The following KCNK13 variants were observed in gnomAD, a reference collection of about 807,000 sequenced individuals.
KCNK13 encodes the protein potassium two pore domain channel subfamily K member 13.
Under a neutral mutation model 23.4 loss-of-function variants are expected in KCNK13, and 12 were observed. That is an observed-to-expected ratio of 0.51 (90% confidence interval 0.33 to 0.83). The LOEUF (loss-of-function observed/expected upper bound fraction) is 0.83. KCNK13 is among the 40% of genes least tolerant of loss of function. The pLI, the probability that KCNK13 is intolerant of heterozygous loss-of-function variation, is 0.02. For synonymous variants in KCNK13, 231 were observed against 229.5 expected (o/e 1.01, Z -0.06); for missense variants, 463 against 556.3 (o/e 0.83, Z 1.69).
chr14:90,130,347 G>A (rs999697138), intron 1 of KCNK13, among the ~76,000 whole-genome samples: 39 of 151,640 alleles, frequency 2.6e-4, no homozygotes, highest in Non-Finnish European at 4.6e-4. Flanking sequence ...TTACAGGCAC[G>A]CACCACCACG....
intron 1 of KCNK13, among the ~76,000 whole-genome samples, chr14:90,133,598 CAAAAAA>C (rs35500723): frequency 8.5e-6 from 1 of 117,252 alleles, no homozygotes; most frequent in African/African-American, 3.2e-5. Flanking sequence ...ACAAAACAGG[CAAAAAA>C]AAAAAAAAAA....
At chr14:90,066,149 T>C (rs1470080326) in intron 1 of KCNK13, among the ~76,000 whole-genome samples, 6 of 150,462 alleles carry the variant, frequency 4.0e-5, no homozygotes, top group Admixed American at 4.0e-4. Flanking sequence ...TTTTTTTTTT[T>C]TTTTTTAGTG....
Position 90,184,829 on chromosome 14 carries a change from C to T in KCNK13, c.1053C>T (p.Asp351=). 1 of 1,613,814 alleles carries T rather than the reference C, an allele frequency of 6.2e-7. No individual in the cohort carries two copies. Among genetic ancestry groups the T allele is most frequent in the Non-Finnish European group, 8.5e-7 (1 of 1,179,892 alleles). Residue 351 remains aspartate, a synonymous_variant, in exon 2 of 2, where the codon GAC becomes GAT. Coordinates refer to ENST00000282146, the MANE Select transcript of KCNK13 (RefSeq NM_022054.4). The surrounding 1 kb of genome is among the most constrained non-coding windows in gnomAD (Gnocchi z 5.6). The part of the protein sequence containing the change: ...RLSGEMISMK[D]LLAANKASLA... ...CAGGGGAGATGATCTCCATGAAGGA[C>T]TTGCTGGCAGCCAACAAGGCCTCGT... is the stretch of plus-strand genomic sequence containing the variant.
chr14:90,163,498 A>G (rs894775894), intron 1 of KCNK13, among the ~76,000 whole-genome samples: 8 of 152,052 alleles, frequency 5.3e-5, no homozygotes, highest in South Asian at 4.1e-4. Context: ...CTGTTGCCCA[A>G]TGGATAACAA....
chr14:90,185,447 G>A lies in KCNK13; in HGVS notation c.*444G>A, dbSNP rs1270977942. ...ATGAATTTTTAAAAGTGGGGAGAAT[G>A]TTTGGGGATGTGTCTGGGCTTTCTT... On this transcript the variant is annotated 3_prime_UTR_variant, in exon 2 of 2. Coordinates refer to ENST00000282146, the MANE Select transcript of KCNK13 (RefSeq NM_022054.4). The A allele has an allele frequency of 6.4e-6, 1 of 157,016 alleles. No individual in the cohort carries two copies. Among genetic ancestry groups the A allele is most frequent in the East Asian group, 1.9e-4 (1 of 5,288 alleles). 9.7% of individuals were successfully genotyped at this position (157,016 alleles called of 1,614,324 possible).
At chr14:90,127,816 CTAAAAAA>C (rs1207750460) in intron 1 of KCNK13, among the ~76,000 whole-genome samples, 96 of 42,218 alleles carry the variant, frequency 2.3e-3, no homozygotes, top group African/African-American at 6.6e-3. Context: ...AAGATGCTAT[CTAAAAAA>C]AAAAAAAAAA....
intron 1 of KCNK13, among the ~76,000 whole-genome samples, chr14:90,176,549 A>G (rs1434980658): frequency 6.6e-6 from 1 of 152,086 alleles, no homozygotes; most frequent in African/African-American, 2.4e-5. Context: ...GTTTCATCCC[A>G]CATGAGAAGG....
intron 1 of KCNK13, among the ~76,000 whole-genome samples, chr14:90,063,560 G>A (rs915423482): frequency 6.6e-6 from 1 of 152,150 alleles, no homozygotes; most frequent in Non-Finnish European, 1.5e-5. Flanking sequence ...AGAGTTAGAC[G>A]GAGAGGAAGT....
chr14:90,184,694 C>T lies in KCNK13; in HGVS notation c.918C>T (p.Leu306=). The T allele has an allele frequency of 6.2e-7, 1 of 1,614,220 alleles. No individual in the cohort carries two copies. Among genetic ancestry groups the T allele is most frequent in the Non-Finnish European group, 8.5e-7 (1 of 1,180,040 alleles). Residue 306 remains leucine, a synonymous_variant, in exon 2 of 2, where the codon CTC becomes CTT. Transcript: ENST00000282146. This position sits in a 1 kb window ranked among gnomAD's most constrained non-coding sequence, Gnocchi z 5.6. ...SGCCPQCQRG[L]LRSRRNVVMP... is the part of the protein sequence containing the mutation. ...GCTGCCCGCAATGCCAGAGAGGACT[C>T]TTGCGATCACGCAGGAACGTGGTGA...
chr14:90,119,966 G>T (rs1206004471), intron 1 of KCNK13, among the ~76,000 whole-genome samples: 1 of 152,154 alleles, frequency 6.6e-6, no homozygotes, highest in African/African-American at 2.4e-5. Context: ...TGTTATATAA[G>T]TAAACTTGTG....
At chr14:90,121,939 C>G (rs545280276) in intron 1 of KCNK13, among the ~76,000 whole-genome samples, 1 of 152,012 alleles carries the variant, frequency 6.6e-6, no homozygotes, top group Non-Finnish European at 1.5e-5. Flanking sequence ...AGGCTGATCT[C>G]GAACCGCTGA....
At chr14:90,149,658 GC>G (rs570773073) in intron 1 of KCNK13, among the ~76,000 whole-genome samples, 56 of 152,310 alleles carry the variant, frequency 3.7e-4, no homozygotes, top group Non-Finnish European at 7.1e-4. Context: ...TGGGGACACA[GC>G]CAAACCGTTT....
intron 1 of KCNK13, among the ~76,000 whole-genome samples, chr14:90,143,225 T>G (rs1189079772): frequency 7.9e-6 from 1 of 126,778 alleles, no homozygotes; most frequent in Non-Finnish European, 1.7e-5. Context: ...TTTTTTTTTT[T>G]GAGACAGGGT....
intron 1 of KCNK13, among the ~76,000 whole-genome samples, chr14:90,179,086 G>C (rs1353599384): frequency 6.6e-6 from 1 of 152,148 alleles, no homozygotes; most frequent in Non-Finnish European, 1.5e-5. Flanking sequence ...TAATGGCACA[G>C]TGGTTATGTT....
chr14:90,156,628 C>T (rs1457415533), intron 1 of KCNK13, among the ~76,000 whole-genome samples: 1 of 152,138 alleles, frequency 6.6e-6, no homozygotes, highest in Non-Finnish European at 1.5e-5. Context: ...GGGGCCAAAA[C>T]AAGGAGGAGC....
intron 1 of KCNK13, among the ~76,000 whole-genome samples, chr14:90,159,166 C>T (rs1481409878): frequency 1.3e-5 from 2 of 152,150 alleles, no homozygotes; most frequent in African/African-American, 4.8e-5. Context: ...AAACTCACAA[C>T]CTCAGGCCCT....
chr14:90,154,354 C>T (rs1375298928), intron 1 of KCNK13, among the ~76,000 whole-genome samples: 1 of 151,722 alleles, frequency 6.6e-6, no homozygotes, highest in South Asian at 2.1e-4. Context: ...ACCCATAATG[C>T]CTGCTCTCTT....
At chr14:90,118,156 G>A (rs1263901577) in intron 1 of KCNK13, among the ~76,000 whole-genome samples, 2 of 152,190 alleles carry the variant, frequency 1.3e-5, no homozygotes, top group Admixed American at 1.3e-4. Flanking sequence ...GTACGTAAAG[G>A]TAGAGTAAAT....
intron 1 of KCNK13, among the ~76,000 whole-genome samples, chr14:90,093,219 T>G (rs973127898): frequency 5.3e-5 from 8 of 152,222 alleles, no homozygotes; most frequent in Admixed American, 2.0e-4. Context: ...CAGATCCGCT[T>G]GGCTCCAGGG....
Sources: gnomAD v4.1 joint callset for allele counts (sites outside exome capture counted in the v4.1 genomes callset) on GRCh38, gnomAD v4.1.1 for gene constraint, Gnocchi (gnomAD v3.1) non-coding constraint, MANE v1.5 for transcripts, NCBI Gene and HGNC (gene_info 2026-07-23, HGNC 2026-07-21) for gene names.